Variants in SRP19 observed in about 807,000 individuals in gnomAD.
SRP19 encodes signal recognition particle 19 kDa protein.
In SRP19, 11 loss-of-function variants were observed where a neutral mutation model predicts 22.4. The observed-to-expected ratio is 0.49, with a 90% CI of 0.31 to 0.81. SRP19 has a LOEUF of 0.81. SRP19 is among the 40% of genes least tolerant of loss of function. The pLI is 0.05. For synonymous variants in SRP19, 61 were observed against 57.6 expected, an observed-to-expected ratio of 1.06 and a Z score of -0.27; for missense variants, 168 against 175.9, an observed-to-expected ratio of 0.96 and a Z score of 0.25.
At chr5:112,884,516 C>T (rs1400753556) in intron 4 of SRP19, among the ~76,000 whole-genome samples, 3 of 151,790 alleles carry the variant, frequency 2.0e-5, no homozygotes, top group African/African-American at 7.3e-5. Flanking sequence ...TAGCTGGCAC[C>T]ACAGGCTTGC....
chr5:112,868,720 C>G lies in SRP19; in HGVS notation c.*1183C>G, dbSNP rs376348569. ...CGGCCTTCTTTACATTTTTATTGCT[C>G]ACAGTCAAACATTCCTATTGATTGT... On this transcript the variant is annotated 3_prime_UTR_variant, in exon 5 of 5. Transcript: ENST00000505459. 11 of 152,070 alleles carry G rather than the reference C, an allele frequency of 7.2e-5. No individual in the cohort carries two copies. The East Asian group carries it at 1.9e-3, about 27-fold the overall frequency. The allele number at this position is 152,070 out of a possible 1,614,324, so 9.4% of individuals were successfully genotyped here.
intron 4 of SRP19, among the ~76,000 whole-genome samples, chr5:112,866,912 G>T (rs765856962): frequency 1.3e-5 from 2 of 152,180 alleles, no homozygotes; most frequent in South Asian, 2.1e-4. Context: ...TGGTCTGTTG[G>T]GGGTGAAGGT....
chr5:112,870,475 C>CAAA (rs375704872), downstream of SRP19, among the ~76,000 whole-genome samples: 3 of 141,036 alleles, frequency 2.1e-5, no homozygotes, highest in Admixed American at 7.1e-5. Context: ...GACCCTGTCT[C>CAAA]AAAAAAAAAA....
exon 5 of SRP19, chr5:112,892,354 C>T (rs1355988311): frequency 3.0e-5 from 49 of 1,613,964 alleles, no homozygotes; most frequent in Non-Finnish European, 3.9e-5. Context: ...AGAAACCTAC[C>T]AACAGTTCCT....
intron 4 of SRP19, among the ~76,000 whole-genome samples, chr5:112,887,722 C>T (rs536926138): frequency 6.6e-6 from 1 of 152,110 alleles, no homozygotes; most frequent in East Asian, 1.9e-4. Flanking sequence ...TACAGTTGTT[C>T]TTCATCTTTC....
intron 4 of SRP19, among the ~76,000 whole-genome samples, chr5:112,865,679 C>T (rs376421298): frequency 2.2e-4 from 34 of 152,026 alleles, no homozygotes; most frequent in African/African-American, 6.3e-4. Context: ...CTGCAACCTC[C>T]GACTCCCTGG....
intron 4 of SRP19, among the ~76,000 whole-genome samples, chr5:112,890,082 C>A (rs1429973981): frequency 6.7e-6 from 1 of 150,348 alleles, no homozygotes; most frequent in African/African-American, 2.5e-5. Context: ...CCCCATCGGC[C>A]TCCCAAAGTG....
At chr5:112,898,049 ACT>A (rs1768743990), downstream of SRP19, 1 of 152,116 alleles carries the variant, frequency 6.6e-6, no homozygotes, top group Non-Finnish European at 1.5e-5. Context: ...ACAGAGCAAC[ACT>A]CTGTCCCAAA....
intron 4 of SRP19, among the ~76,000 whole-genome samples, chr5:112,883,596 G>C (rs531021856): frequency 6.6e-6 from 1 of 152,122 alleles, no homozygotes; most frequent in East Asian, 1.9e-4. Context: ...CACTACCTTC[G>C]TGATCTCATC....
In SRP19 at chr5:112,868,103, G is replaced by A. The variant is rs564537655; in HGVS notation, c.*566G>A. On this transcript the variant is annotated 3_prime_UTR_variant, in exon 5 of 5. Coordinates refer to ENST00000505459, the MANE Select transcript of SRP19 (RefSeq NM_003135.3). ...TTTAATATATTATTGTAATCGAATC[G>A]TTCAGTTGTTTTTTGACATGGAAAG... 4.7e-5 allele frequency: 46 copies of A among 985,332 alleles called. No individual in the cohort carries two copies. The African/African-American group carries it at 5.1e-4, about 11-fold the overall frequency. The allele number at this position is 985,332 out of a possible 1,614,324, so 61.0% of individuals were successfully genotyped here. A position where few individuals can be genotyped will look rare whatever the true frequency, so the allele number is the denominator to read the frequency against.
In SRP19 at chr5:112,887,064, C is replaced by G. The variant is rs572698646; in HGVS notation, c.302-4539C>G. 7 of 1,613,474 alleles carry G rather than the reference C, an allele frequency of 4.3e-6. No homozygotes were observed. The South Asian group carries it at 7.7e-5, about 18-fold the overall frequency. On this transcript the variant is annotated intron_variant, in intron 4 of 4. Coordinates refer to the SRP19 transcript ENST00000391338. ...TCTCTTTGGCCTTGTCTTTAAGGTC[C>G]TTGACCACACTGTCCATCTGGGACT... is the stretch of plus-strand genomic sequence containing the variant.
chr5:112,886,621 T>G (rs927899209), intron 4 of SRP19, among the ~76,000 whole-genome samples: 2 of 152,250 alleles, frequency 1.3e-5, no homozygotes, highest in African/African-American at 4.8e-5. Flanking sequence ...GAATTTTTCC[T>G]GCTAGTATAG....
chr5:112,866,116 C>T (rs868765918), intron 4 of SRP19, among the ~76,000 whole-genome samples: 1,802 of 142,006 alleles, frequency 0.013, 10 homozygotes, highest in Middle Eastern at 0.033. Context: ...AGTCTTTTTT[C>T]TTTTTTTTTT....
chr5:112,887,871 T>C (rs1768308486), intron 4 of SRP19, among the ~76,000 whole-genome samples: 1 of 152,226 alleles, frequency 6.6e-6, no homozygotes, highest in African/African-American at 2.4e-5. Context: ...TTTTTACTGT[T>C]GATTCAAATA....
chr5:112,892,789 G>C (rs760981548), exon 5 of SRP19: 2 of 1,613,994 alleles, frequency 1.2e-6, no homozygotes, highest in African/African-American at 2.7e-5. Context: ...CAGGCAGCGG[G>C]GAAGGAGAAA....
In SRP19 at chr5:112,889,541, CAT is replaced by C. The variant is rs973689698; in HGVS notation, c.302-2059_302-2058del. Among the ~76,000 whole-genome samples the C allele has an allele frequency of 3.6e-4, 54 of 150,598 alleles. 2 individuals are homozygous for C. The highest frequency in any genetic ancestry group is 3.4e-3 in the Middle Eastern group (1 of 290). On this transcript the variant is annotated intron_variant, in intron 4 of 4. Coordinates refer to the SRP19 transcript ENST00000391338. The stretch of plus-strand genomic sequence containing the variant: ...AATACGTAAATTATATCTAACTTTG[CAT>C]ATGTTTGCAATAGAATTATTTTTAT...
In SRP19 at chr5:112,868,491, C is replaced by A; in HGVS notation, c.*954C>A. 2 of 585,096 alleles carry A rather than the reference C, an allele frequency of 3.4e-6. No individual in the cohort carries two copies. Among genetic ancestry groups the A allele is most frequent in the Non-Finnish European group, 4.3e-6 (2 of 464,268 alleles). The allele number at this position is 585,096 out of a possible 1,614,324, so 36.2% of individuals were successfully genotyped here. A position where few individuals can be genotyped will look rare whatever the true frequency, so the allele number is the denominator to read the frequency against. On this transcript the variant is annotated 3_prime_UTR_variant, in exon 5 of 5. Transcript: ENST00000505459. ...TATCGGCGTACCACAACCTCTGCAT[C>A]CCAGGTTCAAGAGATTCTCCTGCCT...
At chr5:112,873,271 C>CTTTTT (rs35379154), downstream of SRP19, among the ~76,000 whole-genome samples, 2 of 50,758 alleles carry the variant, frequency 3.9e-5, no homozygotes, top group East Asian at 7.7e-4. Flanking sequence ...CTCAGGTTTT[C>CTTTTT]TTTTTTTTTT....
At chr5:112,891,887 G>A in exon 5 of SRP19, 2 of 1,368,836 alleles carry the variant, frequency 1.5e-6, no homozygotes, top group South Asian at 1.2e-5. Flanking sequence ...TGGTTGCTGA[G>A]GGAGCAGAAG....
Sources: allele counts gnomAD v4.1 joint callset (sites outside exome capture counted in the v4.1 genomes callset), GRCh38; gene constraint gnomAD v4.1.1; transcripts MANE v1.5; gene names NCBI Gene and HGNC (gene_info 2026-07-23, HGNC 2026-07-21).